ANKRD11: variants seen among roughly 807,000 people sequenced by gnomAD.
ANKRD11 encodes the protein ankyrin repeat domain 11, also known as ankyrin repeat domain-containing protein 11.
In ANKRD11, 17 loss-of-function variants were observed where a neutral mutation model predicts 195.7. The ratio of observed to expected loss-of-function variants is 0.09; its 90% CI spans 0.06 to 0.13. The LOEUF is 0.13. ANKRD11 is among the 10% of genes least tolerant of loss of function. ANKRD11 has a pLI of 1.00. For synonymous variants in ANKRD11, 1,953 were observed against 1,528.1 expected (o/e 1.28, Z -6.49); for missense variants, 3,735 against 3,566.1 (o/e 1.05, Z -1.21).
intron 1 of ANKRD11, among the ~76,000 whole-genome samples, chr16:89,436,585 A>AC (rs2043226059): frequency 6.6e-6 from 1 of 152,202 alleles, no homozygotes; most frequent in Non-Finnish European, 1.5e-5. Flanking sequence ...CAAGAGCAGG[A>AC]CTGAAGCAGG....
At chr16:89,315,229 A>G (rs1320784787) in intron 3 of ANKRD11, among the ~76,000 whole-genome samples, 1 of 152,080 alleles carries the variant, frequency 6.6e-6, no homozygotes, top group Non-Finnish European at 1.5e-5. Flanking sequence ...GCGAGGCCTG[A>G]GCTGTATGCA....
chr16:89,374,409 G>A (rs2040330271), intron 2 of ANKRD11, among the ~76,000 whole-genome samples: 1 of 151,938 alleles, frequency 6.6e-6, no homozygotes, highest in Non-Finnish European at 1.5e-5. Flanking sequence ...TGTTCTACAT[G>A]GGCAGAGCTG....
intron 2 of ANKRD11, among the ~76,000 whole-genome samples, chr16:89,321,479 C>T (rs1287631284): frequency 2.9e-5 from 2 of 69,914 alleles, no homozygotes; most frequent in Non-Finnish European, 5.4e-5. Context: ...ACTGTGGGGC[C>T]GGGTGGGGAG....
chr16:89,380,223 C>T (rs145532509), intron 2 of ANKRD11, among the ~76,000 whole-genome samples: 1 of 152,332 alleles, frequency 6.6e-6, no homozygotes, highest in East Asian at 1.9e-4. Flanking sequence ...AGCAATTCTC[C>T]TGTCTCTGCC....
Position 89,280,034 on chromosome 16 carries a change from C to T in ANKRD11, c.6508G>A (p.Ala2170Thr). ...LAPPEEMPPGAPGVINGGDVS... is the reference protein window; with the variant it reads ...LAPPEEMPPGTPGVINGGDVS... ...TCCCCACCGTTTATGACCCCGGGGG[C>T]CCCTGGAGGCATCTCTTCTGGAGGA... Residue 2170 changes from alanine (A) to threonine (T), a missense_variant, in exon 9 of 13, where the codon GCC (alanine) becomes ACC (threonine). By Grantham distance (58) the Ala-to-Thr change is moderately conservative. Coordinates refer to ENST00000301030, the MANE Select transcript of ANKRD11 (RefSeq NM_013275.6). The T allele has an allele frequency of 1.9e-6, 3 of 1,612,768 alleles. No homozygotes were observed. The highest frequency in any genetic ancestry group is 2.5e-6 in the Non-Finnish European group (3 of 1,179,946).
chr16:89,401,889 C>T (rs537690456), intron 2 of ANKRD11, among the ~76,000 whole-genome samples: 2 of 151,962 alleles, frequency 1.3e-5, no homozygotes, highest in East Asian at 1.9e-4. Context: ...GCCGGGCACA[C>T]CAGAGACTCC....
chr16:89,314,593 A>AC (rs2036833673), intron 3 of ANKRD11, among the ~76,000 whole-genome samples: 2 of 152,102 alleles, frequency 1.3e-5, no homozygotes, highest in African/African-American at 4.8e-5. Context: ...AAGTCCACTG[A>AC]CACAGGGCTC....
In ANKRD11 at chr16:89,280,437, C is replaced by T; in HGVS notation, c.6105G>A (p.Glu2035=). The T allele has an allele frequency of 6.3e-7, 1 of 1,582,706 alleles. No individual in the cohort carries two copies. The highest frequency in any genetic ancestry group is 1.3e-5 in the African/African-American group (1 of 74,138). Residue 2035 remains glutamate, a synonymous_variant, in exon 9 of 13, where the codon GAG becomes GAA. Coordinates refer to ENST00000301030, the MANE Select transcript of ANKRD11 (RefSeq NM_013275.6). ...CGGCGTCCACTCCGTCCTTGACGTCCTCCAGCCCCGGCTCAGCGACGGGCA... is the reference window on the plus strand; with the variant it reads ...CGGCGTCCACTCCGTCCTTGACGTCTTCCAGCCCCGGCTCAGCGACGGGCA... The part of the protein sequence containing the change: ...YALPVAEPGL[E]DVKDGVDAVP...
At chr16:89,374,629 C>G (rs1243794119) in intron 2 of ANKRD11, among the ~76,000 whole-genome samples, 1 of 152,196 alleles carries the variant, frequency 6.6e-6, no homozygotes, top group Non-Finnish European at 1.5e-5. Flanking sequence ...AACAGCTGCT[C>G]GGGCCATCTC....
At chr16:89,467,882 C>A (rs2056938954) in intron 1 of ANKRD11, among the ~76,000 whole-genome samples, 1 of 152,050 alleles carries the variant, frequency 6.6e-6, no homozygotes, top group East Asian at 1.9e-4. Flanking sequence ...CTCACTGCAA[C>A]CTCTGCCTCC....
At position 89,280,310 on chromosome 16, in the gene ANKRD11, C is replaced by T. The variant is rs1038750030; in HGVS notation, c.6232G>A (p.Asp2078Asn). 5.0e-6 allele frequency: 8 copies of T among 1,591,828 alleles called. No individual in the cohort carries two copies. The highest frequency in any genetic ancestry group is 6.8e-6 in the Non-Finnish European group (8 of 1,168,970). Reference sequence around the variant, plus strand: ...ACACAGGCGGGCTCGGGGGCCACGTCCAGCGGGGCTTCCGGAAGTGACTTG... The same window carrying T: ...ACACAGGCGGGCTCGGGGGCCACGTTCAGCGGGGCTTCCGGAAGTGACTTG... Reference protein sequence around the residue: ...NCKSLPEAPLDVAPEPACVAA... With the variant: ...NCKSLPEAPLNVAPEPACVAA... Residue 2078 changes from aspartate (D) to asparagine (N), a missense_variant, in exon 9 of 13, where the codon GAC (aspartate) becomes AAC (asparagine). Transcript: ENST00000301030.
intron 4 of ANKRD11, chr16:89,301,477 G>A (rs2035849852): frequency 2.5e-6 from 1 of 398,466 alleles, no homozygotes; most frequent in South Asian, 1.3e-4. Context: ...GCAGAGCAGG[G>A]CAGGCAAGAT....
intron 2 of ANKRD11, among the ~76,000 whole-genome samples, chr16:89,317,650 G>A (rs991929070): frequency 6.6e-6 from 1 of 152,166 alleles, no homozygotes; most frequent in Non-Finnish European, 1.5e-5. Context: ...CAGCAGCTCC[G>A]AGGTCCCAAC....
chr16:89,468,238 G>A (rs993032451), intron 1 of ANKRD11, among the ~76,000 whole-genome samples: 21 of 152,322 alleles, frequency 1.4e-4, no homozygotes, highest in Admixed American at 1.1e-3. Context: ...AAAACTAAGA[G>A]GATTTGGGTT....
chr16:89,406,258 C>T (rs2041901910), intron 2 of ANKRD11, among the ~76,000 whole-genome samples: 1 of 152,148 alleles, frequency 6.6e-6, no homozygotes, highest in Non-Finnish European at 1.5e-5. Context: ...GGCACCCACA[C>T]GTGCTGGTCT....
chr16:89,392,548 T>G (rs1365531513), intron 2 of ANKRD11: 1 of 152,028 alleles, frequency 6.6e-6, no homozygotes, highest in African/African-American at 2.4e-5. Flanking sequence ...CACGCTGAGA[T>G]GCTCCAGGGT....
At chr16:89,451,326 G>C (rs2044061295) in intron 1 of ANKRD11, among the ~76,000 whole-genome samples, 1 of 151,820 alleles carries the variant, frequency 6.6e-6, no homozygotes, top group South Asian at 2.1e-4. Flanking sequence ...GGTGTGAACA[G>C]ATTAACTGTG....
chr16:89,276,494 G>A (rs1233930319), intron 9 of ANKRD11, among the ~76,000 whole-genome samples: 1 of 152,176 alleles, frequency 6.6e-6, no homozygotes, highest in African/African-American at 2.4e-5. Flanking sequence ...AGGAGCAGAA[G>A]GCCCCGCCTC....
Position 89,407,674 on chromosome 16 carries a change from CACACACACACATAG to C in ANKRD11, c.-60+10596_-60+10609del, listed in dbSNP as rs764717930. 2.0e-4 allele frequency among the ~76,000 whole-genome samples: 30 copies of C among 152,150 alleles called. 1 individual carries two copies. Among genetic ancestry groups the C allele is most frequent in the Middle Eastern group, 3.4e-3 (1 of 294 alleles). ...CGTCTCTATCAAACACACATACACA[CACACACACACATAG>C]ACACACACAGAATTAGCCAGGCATT... is the stretch of plus-strand genomic sequence containing the variant. On this transcript the variant is annotated intron_variant, in intron 2 of 12. Coordinates refer to ENST00000301030, the MANE Select transcript of ANKRD11 (RefSeq NM_013275.6).
Sources: allele counts gnomAD v4.1 joint callset (sites outside exome capture counted in the v4.1 genomes callset), GRCh38; gene constraint gnomAD v4.1.1; transcripts MANE v1.5; gene names NCBI Gene and HGNC (gene_info 2026-07-23, HGNC 2026-07-21).